SCAI: variants seen among roughly 807,000 people sequenced by gnomAD.
SCAI encodes the protein protein SCAI.
SCAI carries 24 observed loss-of-function variants against 92.2 expected under a neutral mutation model. That is an observed-to-expected ratio of 0.26 (90% CI 0.19 to 0.37). The LOEUF (loss-of-function observed/expected upper bound fraction) is 0.37. SCAI is among the 10% of genes least tolerant of loss of function. The pLI, the probability that SCAI is intolerant of heterozygous loss-of-function variation, is 1.00. For missense variants in SCAI, 450 were observed against 736.2 expected (o/e 0.61, Z 4.50); for synonymous variants, 261 against 258.6 (o/e 1.01, Z -0.09).
At chr9:125,129,540 T>G (rs1416634376) in intron 2 of SCAI, among the ~76,000 whole-genome samples, 4 of 127,370 alleles carry the variant, frequency 3.1e-5, no homozygotes, top group Non-Finnish European at 6.4e-5. Flanking sequence ...CTTGGCTCAC[T>G]GCAACCTCCA....
intron 2 of SCAI, among the ~76,000 whole-genome samples, chr9:125,106,122 A>AAAAAAAAAAAAAATATAT (rs1554791724): frequency 2.3e-4 from 2 of 8,864 alleles, no homozygotes; most frequent in African/African-American, 4.6e-4. Context: ...AAAAAAAAAA[A>AAAAAAAAAAAAAATATAT]ATATATATAT....
At chr9:124,997,080 C>G (rs1463619452) in intron 13 of SCAI, among the ~76,000 whole-genome samples, 2 of 152,204 alleles carry the variant, frequency 1.3e-5, no homozygotes, top group Non-Finnish European at 2.9e-5. Context: ...CTGAGTGCAA[C>G]TTTTTCAGAT....
At chr9:125,087,082 A>G (rs1834338288) in intron 2 of SCAI, among the ~76,000 whole-genome samples, 1 of 152,182 alleles carries the variant, frequency 6.6e-6, no homozygotes, top group Non-Finnish European at 1.5e-5. Flanking sequence ...TCACCCTATA[A>G]ATAAGTGTAA....
At chr9:124,988,210 G>C (rs766023499) in intron 14 of SCAI, among the ~76,000 whole-genome samples, 5 of 151,994 alleles carry the variant, frequency 3.3e-5, no homozygotes, top group Non-Finnish European at 5.9e-5. Context: ...ACTGGCATTA[G>C]GGATTACCCA....
At chr9:125,100,611 T>C (rs1183531325) in intron 2 of SCAI, among the ~76,000 whole-genome samples, 1 of 152,148 alleles carries the variant, frequency 6.6e-6, no homozygotes, top group Non-Finnish European at 1.5e-5. Flanking sequence ...ACACATAAAA[T>C]GTTCTTGGAC....
chr9:125,057,926 T>C (rs988761154), intron 2 of SCAI, among the ~76,000 whole-genome samples: 2 of 150,914 alleles, frequency 1.3e-5, no homozygotes, highest in Admixed American at 6.6e-5. Context: ...AGATCTTGTC[T>C]CTACAAAAAA....
At position 124,971,468 on chromosome 9, in the gene SCAI, G is replaced by T; in HGVS notation, c.1576C>A (p.Gln526Lys). 9 of 1,601,508 alleles carry T rather than the reference G, an allele frequency of 5.6e-6. No homozygotes were observed. The highest frequency in any genetic ancestry group is 7.7e-6 in the Non-Finnish European group (9 of 1,171,682). The change falls in exon 17 of 18, where the codon CAG becomes AAG. Residue 526 changes from glutamine to lysine, a missense_variant and splice_region_variant. Transcript: ENST00000336505. ...TCTCCAAAAAACTGGAGAAATGCCT[G>T]ATCTGCAAAGAGGAGAAAAGTGACA... ...QLLTHSRSIDQAFLQFFGDEF... is the reference protein window; with the variant it reads ...QLLTHSRSIDKAFLQFFGDEF...
At chr9:125,085,012 T>C (rs1347269060) in intron 2 of SCAI, among the ~76,000 whole-genome samples, 1 of 152,230 alleles carries the variant, frequency 6.6e-6, no homozygotes, top group Admixed American at 6.5e-5. Context: ...GTATGGAGGA[T>C]AATGAGCACT....
chr9:125,110,368 G>A (rs1834906086), intron 2 of SCAI, among the ~76,000 whole-genome samples: 1 of 152,136 alleles, frequency 6.6e-6, no homozygotes. Context: ...AAATTAGCTG[G>A]GGATGGTGGC....
At chr9:125,010,423 T>C (rs1242030110) in intron 9 of SCAI, among the ~76,000 whole-genome samples, 1 of 152,206 alleles carries the variant, frequency 6.6e-6, no homozygotes, top group Non-Finnish European at 1.5e-5. Flanking sequence ...GGAGTCTCGC[T>C]GATTGCTAGC....
chr9:125,002,966 T>G, intron 11 of SCAI, 148 bp downstream of exon 11: 2 of 508,630 alleles, frequency 3.9e-6, no homozygotes, highest in East Asian at 3.2e-5. Flanking sequence ...AAAACAAAAA[T>G]ATCTATTATC....
chr9:125,026,635 T>C (rs949518424), intron 6 of SCAI, among the ~76,000 whole-genome samples, 177 bp downstream of exon 6: 12 of 152,242 alleles, frequency 7.9e-5, no homozygotes, highest in African/African-American at 2.2e-4. Flanking sequence ...TTGATATTTA[T>C]TGCTTAGGTA....
chr9:125,003,820 C>T, intron 9 of SCAI: 1 of 423,318 alleles, frequency 2.4e-6, no homozygotes, highest in African/African-American at 2.0e-5. Flanking sequence ...CATACCTCTC[C>T]AGCCATATAC....
chr9:124,971,793 A>G lies in SCAI; in HGVS notation c.1451T>C (p.Met484Thr), dbSNP rs1831664548. 1.1e-5 allele frequency: 17 copies of G among 1,611,274 alleles called. No homozygotes were observed. Among genetic ancestry groups the G allele is most frequent in the Non-Finnish European group, 1.4e-5 (16 of 1,179,310 alleles). ...LFTLFLNNPL[M>T]AFLFVSGLSS... ...CAATCCAGAGACAAATAGGAAGGCC[A>G]TTAGAGGATTGTTCAAAAAGAGAGT... The change falls in exon 16 of 18, where the codon ATG (methionine) becomes ACG (threonine). Residue 484 changes from methionine (M) to threonine (T), a missense_variant. Physicochemically the swap from Met to Thr is moderately conservative, Grantham distance 81 (BLOSUM62 -1). Around this residue, in one of 3 missense-constraint regions of SCAI, gnomAD observed 360 missense variants for 601.8 expected, o/e 0.60. Transcript: ENST00000336505.
intron 2 of SCAI, among the ~76,000 whole-genome samples, chr9:125,059,193 T>C (rs1833727117): frequency 1.3e-5 from 2 of 152,214 alleles, no homozygotes; most frequent in Admixed American, 6.5e-5. Flanking sequence ...CGATGAGAAG[T>C]ACTGTTCCTG....
At chr9:124,996,456 A>AT (rs1282405395) in intron 13 of SCAI, among the ~76,000 whole-genome samples, 2 of 150,542 alleles carry the variant, frequency 1.3e-5, no homozygotes, top group Non-Finnish European at 3.0e-5. Context: ...CGTGCACCTC[A>AT]ACGCCTGGCT....
chr9:125,120,092 C>G (rs1025068634), intron 2 of SCAI, among the ~76,000 whole-genome samples: 2 of 152,180 alleles, frequency 1.3e-5, no homozygotes, highest in African/African-American at 4.8e-5. Flanking sequence ...GACTGAGACA[C>G]AGGCTTCACC....
chr9:124,967,077 C>T (rs116755084), intron 17 of SCAI, among the ~76,000 whole-genome samples: 1 of 152,010 alleles, frequency 6.6e-6, no homozygotes, highest in African/African-American at 2.4e-5. Flanking sequence ...TGTCCTGGAG[C>T]CTTGTTGCTT....
intron 14 of SCAI, among the ~76,000 whole-genome samples, chr9:124,984,953 A>C (rs905754687): frequency 2.0e-4 from 31 of 152,226 alleles, no homozygotes; most frequent in African/African-American, 7.5e-4. Flanking sequence ...GGATATGCAG[A>C]TTCCAGAACT....
Sources: allele counts gnomAD v4.1 joint callset (sites outside exome capture counted in the v4.1 genomes callset), GRCh38; gene constraint gnomAD v4.1.1; regional missense constraint gnomAD v4.1.1; transcripts MANE v1.5; gene names NCBI Gene and HGNC (gene_info 2026-07-23, HGNC 2026-07-21).